FARS2: variants seen among roughly 807,000 people sequenced by gnomAD.
The protein encoded by FARS2 is phenylalanine--tRNA ligase, mitochondrial.
FARS2 carries 40 observed loss-of-function variants against 46.4 expected under a neutral mutation model. The observed-to-expected ratio is 0.86, with a 90% CI of 0.67 to 1.12. FARS2 has a LOEUF of 1.12. Ranked by LOEUF, FARS2 falls within the 50% of genes most tolerant of loss-of-function variation. FARS2 has a pLI of 0.00. For synonymous variants in FARS2, 234 were observed against 214.9 expected, an observed-to-expected ratio of 1.09 and a Z score of -0.78; for missense variants, 513 against 567.9, an observed-to-expected ratio of 0.90 and a Z score of 0.98.
intron 3 of FARS2, among the ~76,000 whole-genome samples, chr6:5,407,110 A>G (rs1761661123): frequency 1.4e-5 from 2 of 138,582 alleles, no homozygotes; most frequent in South Asian, 4.8e-4. Context: ...TTTATTAGTA[A>G]TCAGGGAAAA....
At chr6:5,435,178 T>C (rs1763450193) in intron 4 of FARS2, among the ~76,000 whole-genome samples, 1 of 152,236 alleles carries the variant, frequency 6.6e-6, no homozygotes, top group South Asian at 2.1e-4. Flanking sequence ...TTGCATGATT[T>C]TGAAGTTGCT....
intron 3 of FARS2, among the ~76,000 whole-genome samples, chr6:5,422,391 A>G (rs973781244): frequency 2.6e-5 from 4 of 151,672 alleles, no homozygotes; most frequent in African/African-American, 9.7e-5. Flanking sequence ...TTTTTTTTAA[A>G]TCATAAATGT....
At chr6:5,353,726 G>GTTTTTTTTTTTTTTTTTTTTTTTTTT (rs55998904) in intron 1 of FARS2, among the ~76,000 whole-genome samples, 4 of 40,358 alleles carry the variant, frequency 9.9e-5, no homozygotes, top group African/African-American at 9.7e-5. Flanking sequence ...AATATTTGGT[G>GTTTTTTTTTTTTTTTTTTTTTTTTTT]TTTTTTTTTT....
chr6:5,441,360 C>T (rs190258036), intron 4 of FARS2, among the ~76,000 whole-genome samples: 19 of 152,250 alleles, frequency 1.2e-4, no homozygotes, highest in African/African-American at 3.4e-4. Flanking sequence ...CTGTCAGTTT[C>T]TTCACTCCTT....
rs1761444665 is a variant in FARS2, at chr6:5,404,588, A to G, written c.659A>G (p.Gln220Arg). 6.2e-7 allele frequency: 1 copy of G among 1,609,506 alleles called. No homozygotes were observed. The highest frequency in any genetic ancestry group is 1.7e-5 in the Admixed American group (1 of 59,684). The change falls in exon 3 of 7, where the codon CAA becomes CGA. Residue 220 changes from glutamine (Q) to arginine (R), a missense_variant. Transcript: ENST00000274680. ...KDGESLQLFE[Q>R]SSRSAHKQET... ...GGAGAAAGCCTGCAGCTCTTTGAAC[A>G]AAGTTCTCGCTCTGCGCATAAACAA... is the stretch of plus-strand genomic sequence containing the variant.
chr6:5,324,432 G>A (rs1385253676), intron 1 of FARS2, among the ~76,000 whole-genome samples: 10 of 140,206 alleles, frequency 7.1e-5, no homozygotes, highest in African/African-American at 2.6e-4. Flanking sequence ...TTGTGGGAAA[G>A]AGACTATTTG....
chr6:5,633,155 G>A (rs544556721), intron 6 of FARS2, among the ~76,000 whole-genome samples: 1 of 148,544 alleles, frequency 6.7e-6, no homozygotes, highest in East Asian at 2.1e-4. Context: ...TTAGAGACAA[G>A]ATCTCACTAT....
intron 1 of FARS2, among the ~76,000 whole-genome samples, chr6:5,338,950 T>C (rs556487301): frequency 1.3e-5 from 2 of 152,370 alleles, no homozygotes; most frequent in South Asian, 2.1e-4. Flanking sequence ...ACTGTCAAGA[T>C]ATGTACAGGT....
At chr6:5,260,704 T>G, upstream of FARS2, 4 of 1,548,932 alleles carry the variant, frequency 2.6e-6, no homozygotes, top group South Asian at 2.4e-5. Flanking sequence ...GGTACAGAGA[T>G]AACACTTGTG....
At chr6:5,315,411 G>T (rs1769393279) in intron 1 of FARS2, among the ~76,000 whole-genome samples, 1 of 152,214 alleles carries the variant, frequency 6.6e-6, no homozygotes, top group African/African-American at 2.4e-5. Context: ...AACCCTGTGT[G>T]TGACATTTTG....
chr6:5,546,445 T>C (rs1464203220), intron 5 of FARS2, among the ~76,000 whole-genome samples: 4 of 151,224 alleles, frequency 2.6e-5, no homozygotes, highest in Non-Finnish European at 5.9e-5. Context: ...AGAGACGGGG[T>C]TTCACCATGT....
In FARS2 at chr6:5,727,175, C is replaced by T. The variant is rs1380834810; in HGVS notation, c.1218-44116C>T. On this transcript the variant is annotated intron_variant, in intron 6 of 6. Coordinates refer to ENST00000274680, the MANE Select transcript of FARS2 (RefSeq NM_006567.5). The surrounding 1 kb of genome is among the most constrained non-coding windows in gnomAD (Gnocchi z 4.1). ...CAGGAAGCTGCTCAGTCAACAGTAA[C>T]GGCGGCTGCTGCTGTAGGGGTGGGC... is the stretch of plus-strand genomic sequence containing the variant. 2.0e-5 allele frequency among the ~76,000 whole-genome samples: 3 copies of T among 151,836 alleles called. No individual in the cohort carries two copies. Among genetic ancestry groups the T allele is most frequent in the South Asian group, 2.1e-4 (1 of 4,798 alleles).
In FARS2 at chr6:5,687,874, T is replaced by G. The variant is rs570357844; in HGVS notation, c.1217+74554T>G. ...ATTTGTTTGTATCCTCTTTTATTTC[T>G]TTGAGCAGTGGTTTGTAGTTCTCCT... On this transcript the variant is annotated intron_variant, in intron 6 of 6. Coordinates refer to ENST00000274680, the MANE Select transcript of FARS2 (RefSeq NM_006567.5). Among the ~76,000 whole-genome samples the G allele has an allele frequency of 1.2e-3, 185 of 152,228 alleles. 1 individual carries two copies. The highest frequency in any genetic ancestry group is 2.3e-3 in the Non-Finnish European group (156 of 68,000).
intron 6 of FARS2, among the ~76,000 whole-genome samples, chr6:5,697,088 C>CT (rs968033301): frequency 1.5e-4 from 23 of 149,270 alleles, no homozygotes; most frequent in South Asian, 4.2e-4. Context: ...ACGTTAATAC[C>CT]TTTTTTTTTT....
intron 3 of FARS2, among the ~76,000 whole-genome samples, chr6:5,410,215 G>A (rs531641662): frequency 5.4e-5 from 8 of 149,256 alleles, no homozygotes; most frequent in South Asian, 4.3e-4. Flanking sequence ...GTGCAGTGGT[G>A]TGATCTCAGT....
chr6:5,341,382 A>G (rs1011029996), intron 1 of FARS2, among the ~76,000 whole-genome samples: 8 of 148,820 alleles, frequency 5.4e-5, no homozygotes, highest in African/African-American at 1.7e-4. Flanking sequence ...CTACACTGCA[A>G]AACATCAACA....
chr6:5,514,204 T>C (rs918247595), intron 4 of FARS2, among the ~76,000 whole-genome samples: 12 of 152,104 alleles, frequency 7.9e-5, no homozygotes, highest in African/African-American at 2.9e-4. Context: ...AACCCTTAAA[T>C]GAAGCATAAG....
chr6:5,663,447 A>G (rs1209147473), intron 6 of FARS2, among the ~76,000 whole-genome samples: 1 of 152,222 alleles, frequency 6.6e-6, no homozygotes, highest in Non-Finnish European at 1.5e-5. Context: ...CTTAATTGAA[A>G]AGCCCTGACA....
intron 6 of FARS2, among the ~76,000 whole-genome samples, chr6:5,635,346 T>C (rs1776490751): frequency 6.6e-6 from 1 of 152,218 alleles, no homozygotes; most frequent in Non-Finnish European, 1.5e-5. Flanking sequence ...AATAGGCACC[T>C]AGTTGCTGAT....
Sources: gnomAD v4.1 joint callset for allele counts (sites outside exome capture counted in the v4.1 genomes callset) on GRCh38, gnomAD v4.1.1 for gene constraint, Gnocchi (gnomAD v3.1) non-coding constraint, MANE v1.5 for transcripts, NCBI Gene and HGNC (gene_info 2026-07-23, HGNC 2026-07-21) for gene names.